TOGARAM2: variants seen among roughly 807,000 people sequenced by gnomAD.
TOGARAM2 encodes the protein TOG array regulator of axonemal microtubules protein 2.
In TOGARAM2, 85 loss-of-function variants were observed where a neutral mutation model predicts 93.3. That is an observed-to-expected ratio of 0.91 (90% CI 0.76 to 1.09). The LOEUF (loss-of-function observed/expected upper bound fraction) is 1.09, where lower values mean the gene tolerates loss of function less well. Among genes scored for constraint, TOGARAM2 ranks in the 50% least tolerant of loss-of-function variants. The pLI is 0.00. For synonymous variants in TOGARAM2, 593 were observed against 552.8 expected, an observed-to-expected ratio of 1.07 and a Z score of -1.02; for missense variants, 1,277 against 1,334.5, an observed-to-expected ratio of 0.96 and a Z score of 0.67.
chr2:29,007,113 C>G (rs1028067002), intron 6 of TOGARAM2, among the ~76,000 whole-genome samples: 1 of 152,178 alleles, frequency 6.6e-6, no homozygotes, highest in African/African-American at 2.4e-5. Context: ...CTCCTGTTTT[C>G]TCCTGGGGCC....
intron 19 of TOGARAM2, 181 bp from the exon 20 acceptor site, chr2:29,051,575 T>C: frequency 1.9e-6 from 1 of 518,772 alleles, no homozygotes; most frequent in Non-Finnish European, 3.4e-6. Context: ...ATTCATATAT[T>C]TTCTACTAAT....
chr2:29,045,374 G>A lies in TOGARAM2; in HGVS notation c.2686G>A (p.Gly896Ser), dbSNP rs775682708. Reference sequence around the variant, plus strand: ...TGCTGGGCGAGTGCGTTTCCTGAGTGGCCGTGCGGTGCTGGATGTCACAGA... The same window carrying A: ...TGCTGGGCGAGTGCGTTTCCTGAGTAGCCGTGCGGTGCTGGATGTCACAGA... ...ALAGRVRFLS[G>S]RAVLDVTDRL... is the part of the protein sequence containing the mutation. The change falls in exon 19 of 20, where the codon GGC becomes AGC. Residue 896 changes from glycine (G) to serine (S), a missense_variant. Coordinates refer to ENST00000379558, the MANE Select transcript of TOGARAM2 (RefSeq NM_199280.4). 6.2e-7 allele frequency: 1 copy of A among 1,613,718 alleles called. No homozygotes were observed. Among genetic ancestry groups the A allele is most frequent in the South Asian group, 1.1e-5 (1 of 91,078 alleles).
At chr2:28,976,120 C>T (rs557485094) in intron 1 of TOGARAM2, among the ~76,000 whole-genome samples, 84 of 152,338 alleles carry the variant, frequency 5.5e-4, no homozygotes, top group African/African-American at 2.0e-3. Flanking sequence ...CCTGTAATCC[C>T]AGCACTTTGG....
At position 28,956,651 on chromosome 2, in the gene TOGARAM2, C is replaced by G. The variant is rs1357896987; in HGVS notation, c.-193C>G. ...GTTTCTCAGTAAAGTGAAGTTGCGG[C>G]GACCTCGTGCCTGCCTTATGTGCAC... is the stretch of plus-strand genomic sequence containing the variant. On this transcript the variant is annotated 5_prime_UTR_variant, in exon 1 of 7. Transcript: ENST00000401723. The surrounding 1 kb of genome is among the most constrained non-coding windows in gnomAD (Gnocchi z 4.5). 1 of 152,154 alleles carries G rather than the reference C, an allele frequency of 6.6e-6. No homozygotes were observed. Among genetic ancestry groups the G allele is most frequent in the African/African-American group, 2.4e-5 (1 of 41,414 alleles). 9.4% of individuals were successfully genotyped at this position (152,154 alleles called of 1,614,324 possible). A position where few individuals can be genotyped will look rare whatever the true frequency, so the allele number is the denominator to read the frequency against.
chr2:28,983,285 T>C (rs1484841893), intron 1 of TOGARAM2, among the ~76,000 whole-genome samples: 1 of 118,510 alleles, frequency 8.4e-6, no homozygotes, highest in African/African-American at 3.3e-5. Context: ...GCTCAGGTGA[T>C]ATGCCTGCCT....
At chr2:29,003,322 T>C (rs1410999516) in intron 5 of TOGARAM2, among the ~76,000 whole-genome samples, 170 bp from the exon 6 acceptor site, 1 of 152,224 alleles carries the variant, frequency 6.6e-6, no homozygotes, top group Non-Finnish European at 1.5e-5. Context: ...CAAAAGGGCT[T>C]GCCAGTCTCC....
At chr2:28,997,662 G>A (rs548078841) in intron 2 of TOGARAM2, among the ~76,000 whole-genome samples, 45 of 152,328 alleles carry the variant, frequency 3.0e-4, no homozygotes, top group African/African-American at 1.1e-3. Context: ...AAAGGAATTG[G>A]CAAGGTAATT....
chr2:29,039,370 T>TAAAAATACAAACAGTA (rs1666299626), intron 18 of TOGARAM2, among the ~76,000 whole-genome samples: 1 of 152,228 alleles, frequency 6.6e-6, no homozygotes, highest in Non-Finnish European at 1.5e-5. Context: ...AGCAGGTTAC[T>TAAAAATACAAACAGTA]GTTTATTTCC....
At position 29,023,079 on chromosome 2, in the gene TOGARAM2, T is replaced by C. The variant is rs766568700; in HGVS notation, c.1512-7T>C. The stretch of plus-strand genomic sequence containing the variant: ...CTTCTGCAACAGGGCCTGGCCTTGC[T>C]TCTCAGGCAGATGAAGGAGAAGGGT... On this transcript the variant is annotated splice_region_variant and splice_polypyrimidine_tract_variant and intron_variant, in intron 11 of 19. Transcript: ENST00000379558. 1.3e-5 allele frequency: 21 copies of C among 1,582,768 alleles called. No individual in the cohort carries two copies. Among genetic ancestry groups the C allele is most frequent in the East Asian group, 1.1e-4 (5 of 43,762 alleles).
At chr2:28,965,990 T>C (rs1671859942) in intron 1 of TOGARAM2, among the ~76,000 whole-genome samples, 1 of 152,190 alleles carries the variant, frequency 6.6e-6, no homozygotes, top group South Asian at 2.1e-4. Context: ...GTCCATGTTA[T>C]TCCATCATGT....
At chr2:29,000,054 G>T (rs879357662) in intron 4 of TOGARAM2, among the ~76,000 whole-genome samples, 9 of 151,320 alleles carry the variant, frequency 5.9e-5, no homozygotes, top group Non-Finnish European at 1.2e-4. Flanking sequence ...ATGTGAGTTT[G>T]CCCCTTAGGA....
At chr2:28,970,056 C>T (rs1671923236) in intron 1 of TOGARAM2, among the ~76,000 whole-genome samples, 1 of 152,316 alleles carries the variant, frequency 6.6e-6, no homozygotes, top group African/African-American at 2.4e-5. Context: ...CGTGATCCGC[C>T]CGCCTTGGCC....
chr2:29,026,834 G>T lies in TOGARAM2; in HGVS notation c.1854-19G>T. On this transcript the variant is annotated intron_variant, in intron 13 of 19. Coordinates refer to ENST00000379558, the MANE Select transcript of TOGARAM2 (RefSeq NM_199280.4). ...ACCACTATCCTGAGACTGACCCCTG[G>T]GCCATGATTTCCTTTCAGCCACCGG... 2 of 1,569,280 alleles carry T rather than the reference G, an allele frequency of 1.3e-6. No homozygotes were observed. The highest frequency in any genetic ancestry group is 8.7e-7 in the Non-Finnish European group (1 of 1,154,434).
chr2:29,051,990 T>C lies in TOGARAM2; in HGVS notation c.2957T>C (p.Leu986Pro), dbSNP rs757357193. The C allele has an allele frequency of 3.7e-6, 6 of 1,613,186 alleles. No individual in the cohort carries two copies. Among genetic ancestry groups the C allele is most frequent in the Non-Finnish European group, 5.1e-6 (6 of 1,179,778 alleles). Residue 986 changes from leucine (L) to proline (P), a missense_variant, in exon 20 of 20, where the codon CTC becomes CCC. Leu to Pro is a moderately conservative substitution (Grantham distance 98, BLOSUM62 -3). Transcript: ENST00000379558. Reference sequence around the variant, plus strand: ...CACGTCCTCAAGACGCTCCAGGAACTCTTAGACTCAGAGTCCTTGGGAGGC... The same window carrying C: ...CACGTCCTCAAGACGCTCCAGGAACCCTTAGACTCAGAGTCCTTGGGAGGC... ...PKHVLKTLQE[L>P]LDSESLGGSR... is the part of the protein sequence containing the mutation.
chr2:28,979,472 G>A (rs1173716360), upstream of TOGARAM2, among the ~76,000 whole-genome samples: 1 of 152,206 alleles, frequency 6.6e-6, no homozygotes, highest in African/African-American at 2.4e-5. Context: ...GAATCCAGGG[G>A]CTTCAGAGCC....
intron 1 of TOGARAM2, among the ~76,000 whole-genome samples, chr2:28,969,975 G>T (rs1419744101): frequency 6.6e-6 from 1 of 151,918 alleles, no homozygotes; most frequent in African/African-American, 2.4e-5. Flanking sequence ...ACCACGCCCG[G>T]CTAATTTTTG....
chr2:29,023,844 T>G (rs1439762038), intron 12 of TOGARAM2, among the ~76,000 whole-genome samples: 2 of 152,240 alleles, frequency 1.3e-5, no homozygotes, highest in African/African-American at 4.8e-5. Context: ...TGGTACCTAT[T>G]TCTCACTTGG....
rs112112476 is a variant in TOGARAM2, at chr2:28,990,742, T to C, written c.-110-3983T>C. Among the ~76,000 whole-genome samples the C allele has an allele frequency of 4.7e-3, 714 of 152,196 alleles. 7 individuals carry two copies. Among genetic ancestry groups the C allele is most frequent in the African/African-American group, 0.016 (676 of 41,534 alleles). On this transcript the variant is annotated intron_variant, in intron 1 of 19. Transcript: ENST00000379558. ...TACTTTGTCCTGTCGGGCGTGACAG[T>C]GAACGTTCACCTTCTCTGCTTGGCA...
intron 6 of TOGARAM2, among the ~76,000 whole-genome samples, chr2:29,006,372 GTGTA>G (rs1464076068): frequency 4.7e-5 from 7 of 150,160 alleles, no homozygotes; most frequent in Non-Finnish European, 8.9e-5. Context: ...GTGTGTGCAT[GTGTA>G]TGTGTGTGAG....
Sources: allele counts gnomAD v4.1 joint callset (sites outside exome capture counted in the v4.1 genomes callset), GRCh38; gene constraint gnomAD v4.1.1; non-coding constraint Gnocchi (gnomAD v3.1); transcripts MANE v1.5; gene names NCBI Gene and HGNC (gene_info 2026-07-23, HGNC 2026-07-21).